SPOCD1: variants seen among roughly 807,000 people sequenced by gnomAD.
The protein encoded by SPOCD1 is SPOC domain containing 1.
In SPOCD1, 64 loss-of-function variants were observed where a neutral mutation model predicts 92.2. The observed-to-expected ratio is 0.69, with a 90% confidence interval of 0.57 to 0.86. The LOEUF (loss-of-function observed/expected upper bound fraction) is 0.86, where lower values mean the gene tolerates loss of function less well. Ranked by LOEUF, SPOCD1 falls within the 40% of genes least tolerant of loss-of-function variation. SPOCD1 has a pLI of 0.00. For missense variants in SPOCD1, 1,360 were observed against 1,543.1 expected, an observed-to-expected ratio of 0.88 and a Z score of 1.99; for synonymous variants, 578 against 619.3, an observed-to-expected ratio of 0.93 and a Z score of 0.99.
intron 6 of SPOCD1, 101 bp from the exon 7 acceptor site, chr1:31,799,586 AC>A: frequency 8.7e-7 from 1 of 1,148,960 alleles, no homozygotes; most frequent in Non-Finnish European, 1.3e-6. Context: ...GAGGGGTCCC[AC>A]CCTCAAAGAC....
Position 31,793,775 on chromosome 1 carries a change from C to A in SPOCD1, c.2506G>T (p.Glu836Ter). 1 of 1,614,196 alleles carries A rather than the reference C, an allele frequency of 6.2e-7. No homozygotes were observed. Among genetic ancestry groups the A allele is most frequent in the South Asian group, 1.1e-5 (1 of 91,088 alleles). The change falls in exon 12 of 16, where the codon GAG becomes TAG. Residue 836 changes from glutamate (E) to a stop codon, truncating the protein, a stop_gained. Transcript: ENST00000360482. LOFTEE classifies it high-confidence loss of function. ...TCCTGTGGTTCCGTGGGAGACAACTCCCTGGTTTTGGGCATCTCTGGAGCA... is the reference window on the plus strand; with the variant it reads ...TCCTGTGGTTCCGTGGGAGACAACTACCTGGTTTTGGGCATCTCTGGAGCA... The part of the protein sequence containing the change: ...MPAPEMPKTR[E>*]LSPTEPQDRV...
intron 2 of SPOCD1, among the ~76,000 whole-genome samples, chr1:31,809,607 G>T (rs1188091615): frequency 1.3e-5 from 2 of 152,108 alleles, no homozygotes; most frequent in African/African-American, 4.8e-5. Flanking sequence ...ATGCAATGGG[G>T]ATACTTGGTG....
chr1:31,795,740 T>C (rs1647963370), intron 10 of SPOCD1: 1 of 152,208 alleles, frequency 6.6e-6, no homozygotes, highest in Admixed American at 6.5e-5. Flanking sequence ...ACTTCCCCAG[T>C]GCCTAGAACC....
Position 31,798,310 on chromosome 1 carries a change from T to C in SPOCD1, c.2042A>G (p.Lys681Arg). ...RDPRNLDLFLKVVHGDVTPYD... is the reference protein window; with the variant it reads ...RDPRNLDLFLRVVHGDVTPYD... Reference sequence around the variant, plus strand: ...GGGGGTGACATCTCCATGAACCACTTTGAGAAACAAGTCCTGGTGGGGGCA... The same window carrying C: ...GGGGGTGACATCTCCATGAACCACTCTGAGAAACAAGTCCTGGTGGGGGCA... Residue 681 changes from lysine to arginine, a missense_variant, in exon 9 of 16, where the codon AAA (lysine) becomes AGA (arginine). Transcript: ENST00000360482. The surrounding 1 kb of genome is among the most constrained non-coding windows in gnomAD (Gnocchi z 4.1). 1.2e-6 allele frequency: 2 copies of C among 1,613,536 alleles called. No homozygotes were observed. The highest frequency in any genetic ancestry group is 1.7e-4 in the Middle Eastern group (1 of 6,060).
rs1648187556 is a variant in SPOCD1 at position 31,798,463 on chromosome 1, G to A, written c.2007C>T (p.Asn669=). 1.2e-6 allele frequency: 2 copies of A among 1,612,388 alleles called. No individual in the cohort carries two copies. Among genetic ancestry groups the A allele is most frequent in the South Asian group, 1.1e-5 (1 of 90,922 alleles). ...YKTKYRSLLF[N]LRDPRNLDLF... ...TCACCAGGTTCCTGGGGTCCCGCAG[G>A]TTGAACAGCAGGCTGCGATACTTGG... The change falls in exon 8 of 16, where the codon AAC becomes AAT. Residue 669 remains asparagine (N), a synonymous_variant. Transcript: ENST00000360482. The surrounding 1 kb of genome is among the most constrained non-coding windows in gnomAD (Gnocchi z 4.1).
intron 3 of SPOCD1, 36 bp downstream of exon 3, chr1:31,801,628 G>A (rs750844792): frequency 1.2e-6 from 2 of 1,607,566 alleles, no homozygotes; most frequent in Admixed American, 1.7e-5. Context: ...TGAGGCAAGG[G>A]AGAAAGAAAA....
At position 31,798,795 on chromosome 1, in the gene SPOCD1, T is replaced by C. The variant is rs899958832; in HGVS notation, c.1869-194A>G. 1 of 617,398 alleles carries C rather than the reference T, an allele frequency of 1.6e-6. No individual in the cohort carries two copies. Among genetic ancestry groups the C allele is most frequent in the East Asian group, 2.8e-5 (1 of 35,730 alleles). The allele number at this position is 617,398 out of a possible 1,614,324, so 38.2% of individuals were successfully genotyped here. A position where few individuals can be genotyped will look rare whatever the true frequency, so the allele number is the denominator to read the frequency against. On this transcript the variant is annotated intron_variant, in intron 7 of 15. Transcript: ENST00000360482. This position sits in a 1 kb window ranked among gnomAD's most constrained non-coding sequence, Gnocchi z 4.1. ...AATAGGATCATTCTCCTTTTATGGA[T>C]GGGGTTACTGGGGCTCAGGGAAAAT...
chr1:31,790,804 G>C lies in SPOCD1; in HGVS notation c.3450C>G (p.Leu1150=), dbSNP rs749171618. The part of the protein sequence containing the change: ...HRDSCPHQAL[L]RHLESLATMS... ...TGGTCGCCAGGGATTCGAGGTGCCG[G>C]AGCAGGGCTTGGTGGGGACAGGAGT... Residue 1150 remains leucine (L), a synonymous_variant, in exon 16 of 16, where the codon CTC becomes CTG. Transcript: ENST00000360482. 1 of 1,544,816 alleles carries C rather than the reference G, an allele frequency of 6.5e-7. No individual in the cohort carries two copies. Among genetic ancestry groups the C allele is most frequent in the Non-Finnish European group, 8.7e-7 (1 of 1,143,680 alleles).
At position 31,799,382 on chromosome 1, in the gene SPOCD1, G is replaced by A. The variant is rs766769634; in HGVS notation, c.1868+19C>T. The A allele has an allele frequency of 6.3e-7, 1 of 1,597,278 alleles. No homozygotes were observed. The highest frequency in any genetic ancestry group is 8.5e-7 in the Non-Finnish European group (1 of 1,171,496). ...GGGCGGCCCTTGGGATGTCAGGGGA[G>A]TGGGGAGCAAGGCCTCACCGAGTCC... is the stretch of plus-strand genomic sequence containing the variant. On this transcript the variant is annotated intron_variant, in intron 7 of 15. Transcript: ENST00000360482.
chr1:31,801,285 T>C (rs1456567731), intron 3 of SPOCD1, among the ~76,000 whole-genome samples: 3 of 152,196 alleles, frequency 2.0e-5, no homozygotes, highest in Admixed American at 6.5e-5. Flanking sequence ...CTTTCCAGGA[T>C]TGGTAGAGAG....
rs1648233616 is a variant in SPOCD1, at chr1:31,798,980, G to A, written c.1869-379C>T. On this transcript the variant is annotated intron_variant, in intron 7 of 15. Coordinates refer to ENST00000360482, the MANE Select transcript of SPOCD1 (RefSeq NM_144569.7). This position sits in a 1 kb window ranked among gnomAD's most constrained non-coding sequence, Gnocchi z 4.1. ...AAGGCAGGAGTCAGGGGGAGAGAAT[G>A]GAGCCCTGGCCCTCGGTGTCATCTG... The A allele has an allele frequency of 1.9e-6, 1 of 535,076 alleles. No homozygotes were observed. Among genetic ancestry groups the A allele is most frequent in the Non-Finnish European group, 3.3e-6 (1 of 305,110 alleles). 33.1% of individuals were successfully genotyped at this position (535,076 alleles called of 1,614,324 possible).
At chr1:31,801,626 G>C in intron 3 of SPOCD1, 38 bp downstream of exon 3, 10 of 1,605,564 alleles carry the variant, frequency 6.2e-6, no homozygotes, top group Non-Finnish European at 8.5e-6. Flanking sequence ...CCTGAGGCAA[G>C]GGAGAAAGAA....
Position 31,792,730 on chromosome 1 carries a change from G to A in SPOCD1, c.2723C>T (p.Pro908Leu), listed in dbSNP as rs1647693861. 1.2e-6 allele frequency: 2 copies of A among 1,608,568 alleles called. No individual in the cohort carries two copies. Among genetic ancestry groups the A allele is most frequent in the East Asian group, 2.2e-5 (1 of 44,750 alleles). Residue 908 changes from proline to leucine, a missense_variant, in exon 14 of 16, where the codon CCC becomes CTC. By Grantham distance (98) the Pro-to-Leu change is moderately conservative. Transcript: ENST00000360482. ...PTVIRSAGCIPSNIVWDLLAS... is the reference protein window; with the variant it reads ...PTVIRSAGCILSNIVWDLLAS... ...CAGAAGGTCCCAGACAATGTTGGAG[G>A]GGATGCAGCCTGCCGAGCGGATCAC... is the stretch of plus-strand genomic sequence containing the variant.
intron 5 of SPOCD1, 76 bp from the exon 6 acceptor site, chr1:31,799,939 G>A: frequency 1.2e-6 from 2 of 1,613,088 alleles, no homozygotes; most frequent in Non-Finnish European, 1.7e-6. Context: ...GCTTCCTCTA[G>A]TCACCTCCCC....
intron 9 of SPOCD1, among the ~76,000 whole-genome samples, chr1:31,797,026 G>A (rs1399761738): frequency 6.6e-6 from 1 of 152,196 alleles, no homozygotes; most frequent in Admixed American, 6.5e-5. Flanking sequence ...TGCTGAAAGA[G>A]TGCAGGCTCT....
chr1:31,793,937 G>A (rs1647805818), intron 11 of SPOCD1, 40 bp from the exon 12 acceptor site: 1 of 1,590,946 alleles, frequency 6.3e-7, no homozygotes, highest in Non-Finnish European at 8.6e-7. Flanking sequence ...AGGGGCAGCA[G>A]CAGCGCTGAA....
chr1:31,808,809 T>G (rs1250859318), intron 2 of SPOCD1, among the ~76,000 whole-genome samples: 1 of 152,164 alleles, frequency 6.6e-6, no homozygotes, highest in Non-Finnish European at 1.5e-5. Context: ...TTATATAGAT[T>G]AATAAAAGCA....
intron 2 of SPOCD1, among the ~76,000 whole-genome samples, chr1:31,807,109 C>A (rs1258548069): frequency 6.6e-6 from 1 of 150,872 alleles, no homozygotes; most frequent in Non-Finnish European, 1.5e-5. Context: ...CACTCTTAGC[C>A]AGGCGTGGTG....
chr1:31,793,681 G>C (rs1235637163), intron 12 of SPOCD1, 66 bp downstream of exon 12: 1 of 1,610,074 alleles, frequency 6.2e-7, no homozygotes. Flanking sequence ...TATGTCTGTT[G>C]CACCAGGTGG....
Sources: gnomAD v4.1 joint callset for allele counts (sites outside exome capture counted in the v4.1 genomes callset) on GRCh38, gnomAD v4.1.1 for gene constraint, Gnocchi (gnomAD v3.1) non-coding constraint, MANE v1.5 for transcripts, NCBI Gene and HGNC (gene_info 2026-07-23, HGNC 2026-07-21) for gene names.